Variants in FBXL20 observed in about 807,000 individuals in gnomAD.
FBXL20 encodes F-box/LRR-repeat protein 20.
In FBXL20, 11 loss-of-function variants were observed where a neutral mutation model predicts 64.0. The ratio of observed to expected loss-of-function variants is 0.17; its 90% confidence interval spans 0.11 to 0.28. FBXL20 has a LOEUF of 0.28. Ranked by LOEUF, FBXL20 falls within the 10% of genes least tolerant of loss-of-function variation. The pLI is 1.00. For synonymous variants in FBXL20, 184 were observed against 189.0 expected, an observed-to-expected ratio of 0.97 and a Z score of 0.22; for missense variants, 303 against 526.2, an observed-to-expected ratio of 0.58 and a Z score of 4.15.
At chr17:39,346,314 C>T (rs2047631958) in intron 1 of FBXL20, among the ~76,000 whole-genome samples, 1 of 151,766 alleles carries the variant, frequency 6.6e-6, no homozygotes, top group Non-Finnish European at 1.5e-5. Flanking sequence ...GCACTCCAGA[C>T]TGGGCGACAG....
intron 1 of FBXL20, among the ~76,000 whole-genome samples, chr17:39,343,918 C>T (rs943649968): frequency 6.6e-6 from 1 of 151,884 alleles, no homozygotes; most frequent in Admixed American, 6.6e-5. Context: ...GGCTGGAGTG[C>T]AGTGGTGCGA....
intron 9 of FBXL20, among the ~76,000 whole-genome samples, chr17:39,280,281 C>T (rs905937441): frequency 6.7e-6 from 1 of 148,392 alleles, no homozygotes. Flanking sequence ...CACACACTTG[C>T]AATCCTAGAT....
chr17:39,314,394 T>A (rs1250280514), intron 2 of FBXL20, among the ~76,000 whole-genome samples: 1 of 152,116 alleles, frequency 6.6e-6, no homozygotes, highest in African/African-American at 2.4e-5. Flanking sequence ...TCACCCAGGC[T>A]GTCACCTGGC....
At chr17:39,286,395 T>A (rs1045233469) in intron 6 of FBXL20, among the ~76,000 whole-genome samples, 1 of 152,008 alleles carries the variant, frequency 6.6e-6, no homozygotes, top group Non-Finnish European at 1.5e-5. Context: ...TCATATTGTT[T>A]GTAGAGATGG....
At chr17:39,287,080 T>G (rs1310235860) in intron 6 of FBXL20, among the ~76,000 whole-genome samples, 4 of 151,542 alleles carry the variant, frequency 2.6e-5, no homozygotes, top group African/African-American at 9.7e-5. Flanking sequence ...GCCCAGCTAA[T>G]TTTTCTATTT....
chr17:39,304,824 C>T (rs2047167528), intron 2 of FBXL20, among the ~76,000 whole-genome samples: 1 of 152,060 alleles, frequency 6.6e-6, no homozygotes, highest in Non-Finnish European at 1.5e-5. Context: ...CCCGGCTGTC[C>T]AGGCTGGAGT....
chr17:39,400,525 C>G (rs148374088), intron 1 of FBXL20, among the ~76,000 whole-genome samples: 1 of 152,304 alleles, frequency 6.6e-6, no homozygotes, highest in East Asian at 1.9e-4. Context: ...TCTTGACCCT[C>G]AAGGAACCTT....
intron 1 of FBXL20, among the ~76,000 whole-genome samples, chr17:39,352,046 C>A (rs1298873350): frequency 6.6e-6 from 1 of 152,280 alleles, no homozygotes; most frequent in East Asian, 1.9e-4. Flanking sequence ...TGTGTGTGCA[C>A]GCGCGTGCAC....
intron 2 of FBXL20, among the ~76,000 whole-genome samples, chr17:39,310,658 G>A (rs2047226619): frequency 6.6e-6 from 1 of 151,924 alleles, no homozygotes; most frequent in Admixed American, 6.6e-5. Context: ...AGACCAGCCT[G>A]GGCAACACGG....
chr17:39,333,415 G>A (rs769434619), intron 2 of FBXL20, among the ~76,000 whole-genome samples: 14 of 152,222 alleles, frequency 9.2e-5, no homozygotes, highest in Non-Finnish European at 1.8e-4. Flanking sequence ...CCGAGGTGCC[G>A]GGACTGCAGA....
Position 39,265,224 on chromosome 17 carries a change from T to C in FBXL20, c.990+173A>G, listed in dbSNP as rs552228129. On this transcript the variant is annotated intron_variant, in intron 13 of 14. Transcript: ENST00000264658. ...AGAAAACATTTAACTTTTTCAGTTC[T>C]TATCTGTTTCCTACTTCACTCATGT... Among the ~76,000 whole-genome samples the C allele has an allele frequency of 2.0e-5, 3 of 152,330 alleles. No homozygotes were observed. The East Asian group carries it at 5.8e-4, about 29-fold the overall frequency.
chr17:39,387,245 T>C (rs1205110323), intron 1 of FBXL20, among the ~76,000 whole-genome samples: 1 of 151,820 alleles, frequency 6.6e-6, no homozygotes, highest in Non-Finnish European at 1.5e-5. Flanking sequence ...GGCTAATCTA[T>C]GATGTTTGGT....
intron 2 of FBXL20, among the ~76,000 whole-genome samples, chr17:39,315,064 T>C (rs2047272662): frequency 1.3e-5 from 2 of 152,032 alleles, no homozygotes; most frequent in African/African-American, 2.4e-5. Context: ...CCCAAAGTAC[T>C]GGGATTACAG....
At chr17:39,310,917 C>G (rs2047229781) in intron 2 of FBXL20, among the ~76,000 whole-genome samples, 1 of 151,890 alleles carries the variant, frequency 6.6e-6, no homozygotes, top group Admixed American at 6.6e-5. Context: ...CCCAGGGGGG[C>G]AGAGGTTGCA....
chr17:39,371,301 A>T (rs1321948074), intron 1 of FBXL20, among the ~76,000 whole-genome samples: 1 of 152,198 alleles, frequency 6.6e-6, no homozygotes, highest in Non-Finnish European at 1.5e-5. Context: ...TACTTTTTTT[A>T]AAAAATCAAA....
intron 1 of FBXL20, among the ~76,000 whole-genome samples, chr17:39,350,171 T>A (rs1379015004): frequency 6.6e-6 from 1 of 152,194 alleles, no homozygotes; most frequent in Non-Finnish European, 1.5e-5. Context: ...ACACATTATA[T>A]GTTGTTCACA....
chr17:39,320,596 T>TC (rs1385067102), intron 2 of FBXL20, among the ~76,000 whole-genome samples: 2 of 151,296 alleles, frequency 1.3e-5, no homozygotes, highest in Non-Finnish European at 3.0e-5. Flanking sequence ...GTATGAATTT[T>TC]TTTTTTTTTT....
At chr17:39,400,802 T>TA (rs771641767) in intron 1 of FBXL20, among the ~76,000 whole-genome samples, 35 of 152,142 alleles carry the variant, frequency 2.3e-4, no homozygotes, top group Admixed American at 3.3e-4. Flanking sequence ...AAGTACAGAC[T>TA]AAACGGGAAA....
At chr17:39,374,010 T>C (rs2047942148) in intron 1 of FBXL20, among the ~76,000 whole-genome samples, 2 of 151,998 alleles carry the variant, frequency 1.3e-5, no homozygotes, top group African/African-American at 4.8e-5. Context: ...TCATTTGAAG[T>C]CAGGAGTTCA....
Sources: allele counts gnomAD v4.1 joint callset (sites outside exome capture counted in the v4.1 genomes callset), GRCh38; gene constraint gnomAD v4.1.1; transcripts MANE v1.5; gene names NCBI Gene and HGNC (gene_info 2026-07-23, HGNC 2026-07-21).